The following RPS6KL1 variants were observed in gnomAD, a reference collection of about 807,000 sequenced individuals.
RPS6KL1 encodes ribosomal protein S6 kinase like 1, also known as ribosomal protein S6 kinase-like 1.
In RPS6KL1, 41 loss-of-function variants were observed where a neutral mutation model predicts 57.0. The observed-to-expected ratio is 0.72, with a 90% CI of 0.56 to 0.93. The LOEUF is 0.93. Ranked by LOEUF, RPS6KL1 falls within the 40% of genes least tolerant of loss-of-function variation. The pLI is 0.00. For missense variants in RPS6KL1, 697 were observed against 727.7 expected (o/e 0.96, Z 0.49); for synonymous variants, 287 against 309.7 (o/e 0.93, Z 0.77).
chr14:74,919,802 C>T (rs368485663), intron 4 of RPS6KL1, 43 bp downstream of exon 4: 10 of 1,603,176 alleles, frequency 6.2e-6, no homozygotes, highest in Middle Eastern at 2.2e-4. Flanking sequence ...CCCCTCAGAG[C>T]CCTCCTCCCG....
At position 74,921,251 on chromosome 14, in the gene RPS6KL1, CAGCCCTG is replaced by C; in HGVS notation, c.265+19_265+25del. 7.7e-7 allele frequency: 1 copy of C among 1,290,768 alleles called. No homozygotes were observed. The highest frequency in any genetic ancestry group is 1.1e-6 in the Non-Finnish European group (1 of 895,754). The allele number at this position is 1,290,768 out of a possible 1,614,324, so 80.0% of individuals were successfully genotyped here. ...TGCACTGGCCCTTCCCCACCCACCC[CAGCCCTG>C]CCCAGCCCCGGTCCTCACCGTGTAT... On this transcript the variant is annotated intron_variant, in intron 3 of 11. Transcript: ENST00000557413.
intron 5 of RPS6KL1, among the ~76,000 whole-genome samples, chr14:74,912,680 A>T (rs973599291): frequency 1.3e-5 from 2 of 151,778 alleles, no homozygotes; most frequent in Non-Finnish European, 2.9e-5. Context: ...CCCTTCATTT[A>T]CACACACCCC....
chr14:74,907,601 A>AT (rs534302839), intron 10 of RPS6KL1, 71 bp from the exon 11 acceptor site: 59 of 1,437,236 alleles, frequency 4.1e-5, no homozygotes, highest in South Asian at 3.9e-4. Context: ...GGCAGCCAGG[A>AT]TTTTTTTTCC....
In RPS6KL1 at chr14:74,905,748, TCA is replaced by T. The variant is rs1884694698; in HGVS notation, c.*1264_*1265del. The T allele has an allele frequency of 6.6e-6, 1 of 152,280 alleles. No individual in the cohort carries two copies. Among genetic ancestry groups the T allele is most frequent in the South Asian group, 2.1e-4 (1 of 4,826 alleles). The allele number at this position is 152,280 out of a possible 1,614,324, so 9.4% of individuals were successfully genotyped here. On this transcript the variant is annotated 3_prime_UTR_variant, in exon 12 of 12. Transcript: ENST00000557413. ...TGCGCTTTCACTTGTCTTCTCTGTC[TCA>T]GTCTCCTGAAGAGCCCGAGGAAGTC...
intron 1 of RPS6KL1, among the ~76,000 whole-genome samples, chr14:74,922,760 T>G (rs1243608787): frequency 6.6e-6 from 1 of 152,116 alleles, no homozygotes; most frequent in East Asian, 1.9e-4. Context: ...CAGGTCCCAC[T>G]GGGAATGGGC....
chr14:74,909,479 ATC>A, intron 8 of RPS6KL1, 62 bp downstream of exon 8: 2 of 1,519,768 alleles, frequency 1.3e-6, no homozygotes, highest in Non-Finnish European at 1.8e-6. Context: ...GACTTTGGGG[ATC>A]TCTCGTCCTC....
intron 5 of RPS6KL1, among the ~76,000 whole-genome samples, chr14:74,914,158 G>A (rs1447424836): frequency 6.6e-6 from 1 of 152,268 alleles, no homozygotes; most frequent in African/African-American, 2.4e-5. Context: ...CAGGAGCGAG[G>A]TGTCCTCTCC....
At chr14:74,921,238 T>TCCCCCCCCCCCC in intron 3 of RPS6KL1, 39 bp downstream of exon 3, 3 of 840,162 alleles carry the variant, frequency 3.6e-6, no homozygotes, top group East Asian at 2.6e-5. Flanking sequence ...CACTGGCCCT[T>TCCCCCCCCCCCC]CCCCACCCAC....
intron 5 of RPS6KL1, among the ~76,000 whole-genome samples, chr14:74,914,408 A>G (rs1275515890): frequency 6.6e-6 from 1 of 152,260 alleles, no homozygotes; most frequent in African/African-American, 2.4e-5. Context: ...CAAAAAAACT[A>G]GCGAAGGAGG....
In RPS6KL1 at chr14:74,922,078, TG is replaced by T; in HGVS notation, c.-122del. The T allele has an allele frequency of 1.6e-6, 1 of 622,846 alleles. No individual in the cohort carries two copies. Among genetic ancestry groups the T allele is most frequent in the Non-Finnish European group, 2.0e-6 (1 of 493,670 alleles). 38.6% of individuals were successfully genotyped at this position (622,846 alleles called of 1,614,324 possible). A position where few individuals can be genotyped will look rare whatever the true frequency, so the allele number is the denominator to read the frequency against. On this transcript the variant is annotated 5_prime_UTR_variant, in exon 2 of 12. It removes the in-frame stop codon of an upstream open reading frame in the 5' UTR. Coordinates refer to ENST00000557413, the MANE Select transcript of RPS6KL1 (RefSeq NM_031464.5). ...ATAGACGTGAGCCACCGCGCAGGCC[TG>T]GGGCTCTGTTTTCCTTTCCAGTCAA...
Position 74,911,316 on chromosome 14 carries a change from T to C in RPS6KL1, c.596A>G (p.Tyr199Cys), listed in dbSNP as rs771264782. ...AAAGTACCTGAGCAGCTTCGTCATG[T>C]AGGGGACTCCGTGTGGGATGATGGT... ...RLTIIPHGVPYMTKLLRYFVS... is the reference protein window; with the variant it reads ...RLTIIPHGVPCMTKLLRYFVS... The change falls in exon 7 of 12, where the codon TAC becomes TGC. Residue 199 changes from tyrosine (Y) to cysteine (C), a missense_variant. Coordinates refer to ENST00000557413, the MANE Select transcript of RPS6KL1 (RefSeq NM_031464.5). The C allele has an allele frequency of 1.3e-5, 21 of 1,612,270 alleles. No homozygotes were observed. Among genetic ancestry groups the C allele is most frequent in the Non-Finnish European group, 1.8e-5 (21 of 1,179,962 alleles).
intron 10 of RPS6KL1, 55 bp downstream of exon 10, chr14:74,908,795 C>T (rs1262773099): frequency 2.0e-6 from 3 of 1,495,150 alleles, no homozygotes; most frequent in Non-Finnish European, 2.8e-6. Flanking sequence ...TAAGCCTGGC[C>T]CATCCCACAC....
rs1479969141 is a variant in RPS6KL1 at position 74,922,222 on chromosome 14, C to G, written c.-265G>C. 2 of 986,916 alleles carry G rather than the reference C, an allele frequency of 2.0e-6. No homozygotes were observed. The highest frequency in any genetic ancestry group is 2.4e-6 in the Non-Finnish European group (2 of 831,032). 61.1% of individuals were successfully genotyped at this position (986,916 alleles called of 1,614,324 possible). On this transcript the variant is annotated 5_prime_UTR_variant, in exon 2 of 12. Coordinates refer to ENST00000557413, the MANE Select transcript of RPS6KL1 (RefSeq NM_031464.5). ...GGCCTCCGTAGAGCAAGCTTGGTAT[C>G]CAGTACGCATTCAGCACATGGAGGC...
At chr14:74,912,390 C>A (rs1886163345) in intron 5 of RPS6KL1, among the ~76,000 whole-genome samples, 1 of 152,194 alleles carries the variant, frequency 6.6e-6, no homozygotes, top group Admixed American at 6.5e-5. Flanking sequence ...AGCTGAGAAG[C>A]CCTGTTCCAC....
chr14:74,907,267 T>C (rs1178631257), intron 11 of RPS6KL1, 143 bp from the exon 12 acceptor site: 8 of 1,373,860 alleles, frequency 5.8e-6, no homozygotes, highest in Non-Finnish European at 7.8e-6. Context: ...CCTGGGAACA[T>C]TGGTGGTGGT....
chr14:74,908,601 G>A (rs1374628200), intron 10 of RPS6KL1, among the ~76,000 whole-genome samples: 1 of 152,164 alleles, frequency 6.6e-6, no homozygotes, highest in African/African-American at 2.4e-5. Flanking sequence ...GACACCACCT[G>A]GGCCCAGGCT....
chr14:74,907,003 G>A lies in RPS6KL1; in HGVS notation c.*11C>T, dbSNP rs766899095. 4.4e-6 allele frequency: 7 copies of A among 1,590,976 alleles called. No individual in the cohort carries two copies. The highest frequency in any genetic ancestry group is 1.7e-6 in the Non-Finnish European group (2 of 1,162,588). On this transcript the variant is annotated 3_prime_UTR_variant, in exon 12 of 12. Coordinates refer to ENST00000557413, the MANE Select transcript of RPS6KL1 (RefSeq NM_031464.5). Reference sequence around the variant, plus strand: ...ACCAGGCCAGCTGCTTCCGTCACCCGCTCTGCCCTCTTACCCCACCAGCTT... The same window carrying A: ...ACCAGGCCAGCTGCTTCCGTCACCCACTCTGCCCTCTTACCCCACCAGCTT...
intron 2 of RPS6KL1, 198 bp downstream of exon 2, chr14:74,921,777 CTTT>C (rs57626529): frequency 4.8e-3 from 3,961 of 830,628 alleles, no homozygotes; most frequent in East Asian, 0.011. Context: ...GTTTTCTTTT[CTTT>C]TTTTTTTTTT....
rs555326184 is a variant in RPS6KL1 at position 74,905,058 on chromosome 14, A to C, written c.*1956T>G. On this transcript the variant is annotated 3_prime_UTR_variant, in exon 12 of 12. Transcript: ENST00000557413. ...AAGGAAGAACAGGATTTGGTGTTAG[A>C]AGCTTTAATTTATCTATCTGGTAAA... 1.3e-5 allele frequency: 2 copies of C among 152,048 alleles called. No homozygotes were observed. Among genetic ancestry groups the C allele is most frequent in the Non-Finnish European group, 2.9e-5 (2 of 68,036 alleles). The allele number at this position is 152,048 out of a possible 1,614,324, so 9.4% of individuals were successfully genotyped here. A position where few individuals can be genotyped will look rare whatever the true frequency, so the allele number is the denominator to read the frequency against.
Sources: allele counts gnomAD v4.1 joint callset (sites outside exome capture counted in the v4.1 genomes callset), GRCh38; gene constraint gnomAD v4.1.1; transcripts MANE v1.5; gene names NCBI Gene and HGNC (gene_info 2026-07-23, HGNC 2026-07-21).